The following PLA1A variants were observed in gnomAD, a reference collection of about 807,000 sequenced individuals.
PLA1A encodes phosphatidylserine-specific phospholipase A1alpha.
In PLA1A, 47 loss-of-function variants were observed where a neutral mutation model predicts 49.4. The observed-to-expected ratio is 0.95, with a 90% CI of 0.75 to 1.21. The LOEUF (loss-of-function observed/expected upper bound fraction) is 1.21, where lower values mean the gene tolerates loss of function less well. Among genes scored for constraint, PLA1A ranks in the 50% most tolerant of loss-of-function variants. The pLI is 0.00. For synonymous variants in PLA1A, 224 were observed against 207.9 expected (o/e 1.08, Z -0.67); for missense variants, 561 against 563.9 (o/e 0.99, Z 0.05).
At chr3:119,620,576 G>T (rs978125012) in intron 8 of PLA1A, among the ~76,000 whole-genome samples, 3 of 152,080 alleles carry the variant, frequency 2.0e-5, no homozygotes, top group African/African-American at 7.2e-5. Flanking sequence ...GTGAAAATGG[G>T]AACCATAACA....
At chr3:119,619,142 C>T (rs1210152063) in intron 7 of PLA1A, among the ~76,000 whole-genome samples, 1 of 152,190 alleles carries the variant, frequency 6.6e-6, no homozygotes, top group African/African-American at 2.4e-5. Flanking sequence ...TGCCTTGGTC[C>T]TAACCATACT....
At chr3:119,613,899 AAAG>A (rs2082806256) in intron 5 of PLA1A, among the ~76,000 whole-genome samples, 1 of 151,914 alleles carries the variant, frequency 6.6e-6, no homozygotes, top group African/African-American at 2.4e-5. Flanking sequence ...TCTCCAAAAA[AAAG>A]AAAAAAAGAA....
intron 8 of PLA1A, among the ~76,000 whole-genome samples, chr3:119,622,952 G>A (rs1433184885): frequency 1.3e-5 from 2 of 151,102 alleles, no homozygotes; most frequent in African/African-American, 2.4e-5. Context: ...TCAGCCTCCC[G>A]AGTAGCTGGG....
intron 1 of PLA1A, among the ~76,000 whole-genome samples, chr3:119,603,655 A>C (rs1463510372): frequency 6.6e-6 from 1 of 152,236 alleles, no homozygotes; most frequent in East Asian, 1.9e-4. Flanking sequence ...AGGTAAACTT[A>C]GGCACATTAA....
intron 5 of PLA1A, 109 bp downstream of exon 5, chr3:119,613,227 G>T (rs1286465954): frequency 7.4e-6 from 5 of 675,750 alleles, no homozygotes; most frequent in Non-Finnish European, 1.3e-5. Flanking sequence ...CCCTCTCTGA[G>T]CTTCTGTTGC....
intron 6 of PLA1A, 80 bp from the exon 7 acceptor site, chr3:119,617,939 A>G: frequency 8.8e-7 from 1 of 1,135,316 alleles, no homozygotes; most frequent in Non-Finnish European, 1.3e-6. Flanking sequence ...TGGAATATAA[A>G]ATTCAATAGA....
rs779916653 is a variant in PLA1A, at chr3:119,618,102, T to C, written c.838T>C (p.Phe280Leu). 1.2e-6 allele frequency: 2 copies of C among 1,614,048 alleles called. No individual in the cohort carries two copies. The highest frequency in any genetic ancestry group is 4.5e-5 in the East Asian group (2 of 44,874). The change falls in exon 7 of 11, where the codon TTT becomes CTT. Residue 280 changes from phenylalanine to leucine, a missense_variant. Coordinates refer to ENST00000273371, the MANE Select transcript of PLA1A (RefSeq NM_015900.4). ...ALENSCPLMA[F>L]PCASYKAFLA... ...GGAGAATTCCTGTCCACTGATGGCC[T>C]TTCCCTGTGCCAGCTACAAGGCCTT...
At chr3:119,617,323 A>T (rs2082861965) in intron 6 of PLA1A, among the ~76,000 whole-genome samples, 1 of 152,150 alleles carries the variant, frequency 6.6e-6, no homozygotes, top group East Asian at 1.9e-4. Flanking sequence ...GGTTGTAAAA[A>T]ATTGGTTGTA....
intron 8 of PLA1A, among the ~76,000 whole-genome samples, chr3:119,622,712 G>A (rs2082960896): frequency 6.6e-6 from 1 of 152,096 alleles, no homozygotes. Context: ...CATCACCAAA[G>A]GAGCCTGGGA....
chr3:119,605,238 T>C (rs561583364), intron 1 of PLA1A, among the ~76,000 whole-genome samples: 1 of 152,298 alleles, frequency 6.6e-6, no homozygotes, highest in Admixed American at 6.5e-5. Flanking sequence ...GTGGGCTTCA[T>C]CCCAGGAGCC....
intron 7 of PLA1A, 65 bp downstream of exon 7, chr3:119,618,251 C>T: frequency 1.5e-6 from 2 of 1,336,318 alleles, no homozygotes; most frequent in East Asian, 4.7e-5. Flanking sequence ...CTAGTTGTCC[C>T]CTCTTAATGT....
intron 4 of PLA1A, among the ~76,000 whole-genome samples, chr3:119,610,107 A>G (rs1458834878): frequency 6.6e-6 from 1 of 152,240 alleles, no homozygotes; most frequent in Non-Finnish European, 1.5e-5. Flanking sequence ...TAATTGGCTT[A>G]GGAAAATCAC....
rs2082900842 is a variant in PLA1A, at chr3:119,619,638, G to T, written c.998G>T (p.Ser333Ile). The T allele has an allele frequency of 6.2e-7, 1 of 1,610,320 alleles. No homozygotes were observed. The highest frequency in any genetic ancestry group is 1.1e-5 in the South Asian group (1 of 91,000). The change falls in exon 8 of 11, where the codon AGT becomes ATT. Residue 333 changes from serine (S) to isoleucine (I), a missense_variant. Ser to Ile is a moderately radical substitution (Grantham distance 142). Coordinates refer to ENST00000273371, the MANE Select transcript of PLA1A (RefSeq NM_015900.4). ...EVKVYLLTTS[S>I]APYCMHHSLV... ...AAAGTCTACCTCCTGACTACTTCCAGTGCTCCGTACTGCAGTGAGTAGGGG... is the reference window on the plus strand; with the variant it reads ...AAAGTCTACCTCCTGACTACTTCCATTGCTCCGTACTGCAGTGAGTAGGGG...
chr3:119,600,258 T>G, intron 1 of PLA1A: 1 of 624,800 alleles, frequency 1.6e-6, no homozygotes, highest in Non-Finnish European at 2.9e-6. Flanking sequence ...ACACAATCTT[T>G]CATGACAACC....
chr3:119,619,503 G>A, intron 7 of PLA1A, 60 bp from the exon 8 acceptor site: 1 of 1,090,762 alleles, frequency 9.2e-7, no homozygotes, highest in South Asian at 1.2e-5. Flanking sequence ...GTGGCTGGGT[G>A]CTGTGGGACC....
At chr3:119,628,668 G>C (rs566677139) in intron 9 of PLA1A, 33 bp from the exon 10 acceptor site, 1 of 1,607,178 alleles carries the variant, frequency 6.2e-7, no homozygotes, top group South Asian at 1.1e-5. Flanking sequence ...AAGGGCTACA[G>C]TCATTTACTT....
At chr3:119,609,329 TC>T (rs2082734216) in intron 3 of PLA1A, 138 bp from the exon 4 acceptor site, 1 of 754,180 alleles carries the variant, frequency 1.3e-6, no homozygotes, top group African/African-American at 1.7e-5. Context: ...GAGAGTGCTG[TC>T]CTTTTTCCCT....
At chr3:119,600,086 C>T (rs538167932) in intron 1 of PLA1A, among the ~76,000 whole-genome samples, 4 of 152,106 alleles carry the variant, frequency 2.6e-5, no homozygotes, top group South Asian at 2.1e-4. Context: ...AAGAAGATGC[C>T]GGATGCAGAG....
In PLA1A at chr3:119,608,755, T is replaced by G; in HGVS notation, c.276-15T>G. ...GGCAGGTAATTTTTCCATTCTTTTT[T>G]GGCCCCCTGTCTAGGGTTTTAGGAA... On this transcript the variant is annotated splice_polypyrimidine_tract_variant and intron_variant, in intron 2 of 10. Coordinates refer to ENST00000273371, the MANE Select transcript of PLA1A (RefSeq NM_015900.4). 13 of 1,586,122 alleles carry G rather than the reference T, an allele frequency of 8.2e-6. No individual in the cohort carries two copies. Among genetic ancestry groups the G allele is most frequent in the Non-Finnish European group, 1.1e-5 (13 of 1,165,850 alleles).
Sources: allele counts gnomAD v4.1 joint callset (sites outside exome capture counted in the v4.1 genomes callset), GRCh38; gene constraint gnomAD v4.1.1; transcripts MANE v1.5; gene names NCBI Gene and HGNC (gene_info 2026-07-23, HGNC 2026-07-21).